The following FGF14 variants were observed in gnomAD, a reference collection of about 807,000 sequenced individuals.
FGF14 encodes the protein fibroblast growth factor 14, also known as fibroblast growth factor homologous factor 4.
In FGF14, 5 loss-of-function variants were observed where a neutral mutation model predicts 25.5. That is an observed-to-expected ratio of 0.20 (90% CI 0.10 to 0.41). FGF14 has a LOEUF of 0.41. FGF14 is among the 10% of genes least tolerant of loss of function. FGF14 has a pLI of 1.00. For synonymous variants in FGF14, 138 were observed against 118.3 expected (o/e 1.17, Z -1.08); for missense variants, 222 against 320.1 (o/e 0.69, Z 2.34).
chr13:101,773,513 A>T (rs1044154967), intron 3 of FGF14, among the ~76,000 whole-genome samples: 1 of 152,136 alleles, frequency 6.6e-6, no homozygotes, highest in Non-Finnish European at 1.5e-5. Context: ...TGATAAAATA[A>T]GAGTTCAAAA....
intron 1 of FGF14, among the ~76,000 whole-genome samples, chr13:102,352,690 T>C (rs1181529248): frequency 6.6e-6 from 1 of 151,418 alleles, no homozygotes; most frequent in Non-Finnish European, 1.5e-5. Flanking sequence ...TGGGCGCCTG[T>C]AGTCCCAGCT....
intron 3 of FGF14, among the ~76,000 whole-genome samples, chr13:101,740,121 C>T (rs2139774891): frequency 6.6e-6 from 1 of 152,292 alleles, no homozygotes; most frequent in Middle Eastern, 3.4e-3. Flanking sequence ...TGTTGTGAGC[C>T]CTTCAACGGG....
intron 1 of FGF14, among the ~76,000 whole-genome samples, chr13:102,267,490 G>A (rs1410617055): frequency 6.6e-6 from 1 of 152,008 alleles, no homozygotes; most frequent in Non-Finnish European, 1.5e-5. Flanking sequence ...ATAATTTTTG[G>A]AACATTGAAG....
At position 102,035,683 on chromosome 13, in the gene FGF14, T is replaced by A. The variant is rs564895422; in HGVS notation, c.209-160387A>T. On this transcript the variant is annotated intron_variant, in intron 1 of 4. Coordinates refer to the FGF14 transcript ENST00000376131. ...AGGAAGCTATATTTCTGTAATAACA[T>A]CTTAATAACTTTTAGCACTTCAAAA... Among the ~76,000 whole-genome samples the A allele has an allele frequency of 4.6e-5, 7 of 152,334 alleles. No individual in the cohort carries two copies. In the South Asian group the frequency reaches 1.4e-3, roughly 32 times the overall value.
At chr13:102,247,762 T>A (rs1378121552) in intron 1 of FGF14, among the ~76,000 whole-genome samples, 4 of 152,088 alleles carry the variant, frequency 2.6e-5, no homozygotes, top group Non-Finnish European at 5.9e-5. Context: ...GGAAAATACA[T>A]CGCTCTACCA....
chr13:102,301,157 T>C (rs1171258612), intron 1 of FGF14, among the ~76,000 whole-genome samples: 5 of 152,306 alleles, frequency 3.3e-5, no homozygotes, highest in African/African-American at 9.6e-5. Context: ...AAATGCTTTA[T>C]TGAAATATTT....
chr13:102,249,549 G>GGT (rs55773652), intron 1 of FGF14, among the ~76,000 whole-genome samples: 4,567 of 150,296 alleles, frequency 0.03, 76 homozygotes, highest in South Asian at 0.041. Flanking sequence ...TACTGAGAGG[G>GGT]GTGTGTGTGT....
intron 1 of FGF14, among the ~76,000 whole-genome samples, chr13:102,106,530 G>A (rs1221000483): frequency 1.5e-5 from 2 of 136,962 alleles, no homozygotes; most frequent in African/African-American, 2.6e-5. Context: ...AGCCAAGATC[G>A]CACCATTGCA....
chr13:102,086,770 T>C (rs1326607877), intron 1 of FGF14, among the ~76,000 whole-genome samples: 1 of 152,212 alleles, frequency 6.6e-6, no homozygotes, highest in Non-Finnish European at 1.5e-5. Flanking sequence ...AGGGGAAAGA[T>C]GTTCATTTTT....
At chr13:101,810,859 G>GA (rs1406995398) in intron 3 of FGF14, among the ~76,000 whole-genome samples, 2 of 151,934 alleles carry the variant, frequency 1.3e-5, no homozygotes, top group Middle Eastern at 3.2e-3. Flanking sequence ...ATGCTGTAGG[G>GA]AAAAAAATGG....
intron 3 of FGF14, among the ~76,000 whole-genome samples, chr13:101,836,057 A>G (rs1041079481): frequency 1.3e-5 from 2 of 152,082 alleles, no homozygotes; most frequent in African/African-American, 4.8e-5. Flanking sequence ...GACCTGGTGC[A>G]GTGATATGTT....
At chr13:102,012,179 T>C (rs577307832) in intron 1 of FGF14, among the ~76,000 whole-genome samples, 5 of 152,038 alleles carry the variant, frequency 3.3e-5, no homozygotes, top group South Asian at 4.2e-4. Context: ...GAAAATGCCT[T>C]GTGGAAATGG....
At chr13:102,088,328 T>C (rs1336911794) in intron 1 of FGF14, among the ~76,000 whole-genome samples, 2 of 152,148 alleles carry the variant, frequency 1.3e-5, no homozygotes, top group Admixed American at 6.5e-5. Flanking sequence ...GTAATAAAAA[T>C]GGTAACTGTG....
At chr13:102,148,721 G>T (rs373593019) in intron 1 of FGF14, among the ~76,000 whole-genome samples, 1 of 152,060 alleles carries the variant, frequency 6.6e-6, no homozygotes, top group African/African-American at 2.4e-5. Flanking sequence ...AACCCAGGAG[G>T]TGGACGTTGC....
intron 1 of FGF14, among the ~76,000 whole-genome samples, chr13:102,052,916 T>C (rs1164165834): frequency 1.3e-5 from 2 of 152,154 alleles, no homozygotes; most frequent in Admixed American, 6.5e-5. Flanking sequence ...ACATCACTTA[T>C]GTCTTTAGTG....
intron 1 of FGF14, among the ~76,000 whole-genome samples, chr13:102,355,142 G>C (rs569870180): frequency 7.9e-5 from 12 of 152,226 alleles, no homozygotes; most frequent in African/African-American, 2.2e-4. Flanking sequence ...TGTTTGTTGA[G>C]GGATGAATGA....
chr13:102,226,099 G>C (rs1336693), intron 1 of FGF14, among the ~76,000 whole-genome samples: 124,917 of 152,210 alleles, frequency 0.82, 51,887 homozygotes, highest in African/African-American at 0.95. Flanking sequence ...AAATGATAGT[G>C]CACCAGGAAG....
At chr13:102,022,384 G>A (rs975115975) in intron 1 of FGF14, among the ~76,000 whole-genome samples, 2 of 152,076 alleles carry the variant, frequency 1.3e-5, no homozygotes, top group Non-Finnish European at 2.9e-5. Context: ...CCACAAAGCT[G>A]TTCAGTCTCT....
At chr13:101,784,904 G>A (rs1267049421) in intron 3 of FGF14, among the ~76,000 whole-genome samples, 2 of 152,148 alleles carry the variant, frequency 1.3e-5, no homozygotes, top group African/African-American at 2.4e-5. Flanking sequence ...CAGATGCTAA[G>A]GTGGCTTTAA....
Sources: gnomAD v4.1 joint callset for allele counts (sites outside exome capture counted in the v4.1 genomes callset) on GRCh38, gnomAD v4.1.1 for gene constraint, MANE v1.5 for transcripts, NCBI Gene and HGNC (gene_info 2026-07-23, HGNC 2026-07-21) for gene names.